Variants in STAU2 observed in about 807,000 individuals in gnomAD.
STAU2 encodes the protein double-stranded RNA-binding protein Staufen homolog 2.
Under a neutral mutation model 65.9 loss-of-function variants are expected in STAU2, and 20 were observed. That is an observed-to-expected ratio of 0.30 (90% CI 0.21 to 0.44). The LOEUF (loss-of-function observed/expected upper bound fraction) is 0.44. Ranked by LOEUF, STAU2 falls within the 20% of genes least tolerant of loss-of-function variation. The pLI, the probability that STAU2 is intolerant of heterozygous loss-of-function variation, is 1.00. For missense variants in STAU2, 558 were observed against 683.9 expected, an observed-to-expected ratio of 0.82 and a Z score of 2.05; for synonymous variants, 232 against 233.9, an observed-to-expected ratio of 0.99 and a Z score of 0.07.
At chr8:73,500,819 G>A (rs753115578) in intron 13 of STAU2, among the ~76,000 whole-genome samples, 2 of 151,776 alleles carry the variant, frequency 1.3e-5, no homozygotes, top group Non-Finnish European at 2.9e-5. Flanking sequence ...CAAATAATAA[G>A]TAATGATATT....
At chr8:73,734,601 C>T (rs1253716395) in intron 3 of STAU2, among the ~76,000 whole-genome samples, 1 of 152,122 alleles carries the variant, frequency 6.6e-6, no homozygotes, top group Non-Finnish European at 1.5e-5. Flanking sequence ...CGAGACCAGC[C>T]TGACCAACAT....
Position 73,437,533 on chromosome 8 carries a change from G to T in STAU2, c.1531-14831C>A, listed in dbSNP as rs1207016602. ...GGGGACACCTCAATAGCTCCAGCGA[G>T]TCCATGGGAGACTTCTGACCTATAG... On this transcript the variant is annotated intron_variant, in intron 13 of 14. Coordinates refer to ENST00000524300, the MANE Select transcript of STAU2 (RefSeq NM_001164380.2). Among the ~76,000 whole-genome samples the T allele has an allele frequency of 2.6e-5, 4 of 152,198 alleles. No individual in the cohort carries two copies. In the South Asian group the frequency reaches 6.2e-4, roughly 24 times the overall value.
chr8:73,685,127 TGAA>T (rs1480061205), intron 5 of STAU2, among the ~76,000 whole-genome samples: 2 of 152,162 alleles, frequency 1.3e-5, no homozygotes, highest in African/African-American at 2.4e-5. Context: ...TGCCACCTTA[TGAA>T]GAAGATGCCT....
chr8:73,575,825 A>AAAC (rs1554544008), intron 12 of STAU2, among the ~76,000 whole-genome samples: 5,169 of 151,968 alleles, frequency 0.034, 198 homozygotes, highest in African/African-American at 0.094. Flanking sequence ...CACACACAAA[A>AAAC]AACCACAAGT....
intron 13 of STAU2, among the ~76,000 whole-genome samples, chr8:73,482,343 T>TAA (rs143815804): frequency 1.7e-4 from 26 of 151,224 alleles, no homozygotes; most frequent in Admixed American, 3.3e-4. Context: ...TTTATGATCT[T>TAA]AAAAAAAAAC....
chr8:73,709,316 T>G lies in STAU2; in HGVS notation c.-17-154A>C, dbSNP rs559883680. 4.5e-6 allele frequency: 3 copies of G among 668,162 alleles called. No individual in the cohort carries two copies. In the Admixed American group the frequency reaches 1.1e-4, roughly 24 times the overall value. The allele number at this position is 668,162 out of a possible 1,614,324, so 41.4% of individuals were successfully genotyped here. The stretch of plus-strand genomic sequence containing the variant: ...AAATTACCTAATGTCTTCCATTACA[T>G]GCAACAGAAATATGTATCACATTTT... On this transcript the variant is annotated intron_variant, in intron 3 of 14. Coordinates refer to ENST00000524300, the MANE Select transcript of STAU2 (RefSeq NM_001164380.2).
At chr8:73,570,355 C>T (rs916220535) in intron 12 of STAU2, among the ~76,000 whole-genome samples, 10 of 152,162 alleles carry the variant, frequency 6.6e-5, no homozygotes, top group East Asian at 3.9e-4. Context: ...CTGAAAGTGA[C>T]GGGGGGAATG....
chr8:73,697,751 T>C (rs908747488), intron 4 of STAU2, among the ~76,000 whole-genome samples: 2 of 152,214 alleles, frequency 1.3e-5, no homozygotes, highest in Non-Finnish European at 2.9e-5. Context: ...TGCAATTGTG[T>C]TAAGCTGTCA....
chr8:73,425,659 AT>A (rs1399559209), intron 13 of STAU2, among the ~76,000 whole-genome samples: 1 of 151,988 alleles, frequency 6.6e-6, no homozygotes, highest in Non-Finnish European at 1.5e-5. Context: ...TCCCTGTATT[AT>A]TTTTTGTTAT....
rs34533172 is a variant in STAU2 at position 73,591,882 on chromosome 8, T to TA, written c.1161+3283dup. Among the ~76,000 whole-genome samples, 101 of 28,474 alleles carry TA rather than the reference T, an allele frequency of 3.5e-3. 7 individuals are homozygous for TA. Among genetic ancestry groups the TA allele is most frequent in the African/African-American group, 4.2e-3 (37 of 8,748 alleles). The allele number at this position is 28,474 out of a possible 152,430, so 18.7% of individuals were successfully genotyped here. On this transcript the variant is annotated intron_variant, in intron 11 of 14. Coordinates refer to ENST00000524300, the MANE Select transcript of STAU2 (RefSeq NM_001164380.2). ...ACCCATACAGCGTGTATCCCAGAGG[T>TA]AAAAAAAAAAAAAAAAAAAAAAAAA...
At chr8:73,690,691 G>C (rs148078489) in intron 4 of STAU2, among the ~76,000 whole-genome samples, 1 of 152,162 alleles carries the variant, frequency 6.6e-6, no homozygotes, top group East Asian at 1.9e-4. Flanking sequence ...ATAAATTAAC[G>C]ATCGGTGAAT....
At chr8:73,701,076 A>C (rs967363040) in intron 4 of STAU2, among the ~76,000 whole-genome samples, 4 of 152,162 alleles carry the variant, frequency 2.6e-5, no homozygotes, top group Admixed American at 2.6e-4. Flanking sequence ...CATATGCAGA[A>C]AAATGAAACT....
chr8:73,712,410 A>C (rs1293344811), intron 3 of STAU2, among the ~76,000 whole-genome samples: 8 of 152,222 alleles, frequency 5.3e-5, no homozygotes, highest in Admixed American at 5.2e-4. Flanking sequence ...ACTTTCCCAC[A>C]AAGTAAAATA....
intron 6 of STAU2, among the ~76,000 whole-genome samples, chr8:73,661,407 CAAAG>C (rs35352537): frequency 0.072 from 11,007 of 152,110 alleles, 426 homozygotes; most frequent in Middle Eastern, 0.14. Flanking sequence ...TTTTTAGCCT[CAAAG>C]AAAATGGAGG....
chr8:73,429,943 A>C (rs942343402), intron 13 of STAU2, among the ~76,000 whole-genome samples: 2 of 152,224 alleles, frequency 1.3e-5, no homozygotes, highest in Non-Finnish European at 2.9e-5. Context: ...GTGTCCCGTC[A>C]GCAGTCCGCT....
intron 6 of STAU2, among the ~76,000 whole-genome samples, chr8:73,633,611 C>G (rs1410065676): frequency 6.6e-6 from 1 of 152,108 alleles, no homozygotes; most frequent in East Asian, 1.9e-4. Flanking sequence ...TGGGCTAGAT[C>G]AGTGGTTTCA....
chr8:73,670,782 A>G (rs1817617441), intron 6 of STAU2, among the ~76,000 whole-genome samples: 1 of 152,216 alleles, frequency 6.6e-6, no homozygotes, highest in African/African-American at 2.4e-5. Flanking sequence ...GTAAATACAT[A>G]AAACCATAAC....
intron 6 of STAU2, among the ~76,000 whole-genome samples, chr8:73,648,495 T>C (rs80084838): frequency 2.4e-4 from 37 of 152,280 alleles, no homozygotes; most frequent in African/African-American, 8.9e-4. Context: ...ACCACGTCTG[T>C]GTATAAAGAA....
At chr8:73,721,156 G>A (rs367937585) in intron 3 of STAU2, among the ~76,000 whole-genome samples, 5 of 149,108 alleles carry the variant, frequency 3.4e-5, no homozygotes, top group East Asian at 3.9e-4. Context: ...TGGGTGTGGC[G>A]GCACACATTT....
Sources: allele counts gnomAD v4.1 joint callset (sites outside exome capture counted in the v4.1 genomes callset), GRCh38; gene constraint gnomAD v4.1.1; transcripts MANE v1.5; gene names NCBI Gene and HGNC (gene_info 2026-07-23, HGNC 2026-07-21).